Variants in ZNF589 observed in about 807,000 individuals in gnomAD.
ZNF589 encodes the protein zinc finger protein 589, also known as KRAB-zinc finger protein SZF1-1.
ZNF589 carries 17 observed loss-of-function variants against 13.6 expected under a neutral mutation model. The observed-to-expected ratio is 1.25, with a 90% CI of 0.86 to 1.88. The LOEUF (loss-of-function observed/expected upper bound fraction) is 1.88, where lower values mean the gene tolerates loss of function less well. Ranked by LOEUF, ZNF589 falls within the 40% of genes most tolerant of loss-of-function variation. The probability of loss-of-function intolerance (pLI) is 0.00; values close to 1 mark genes in which losing one functional copy is unlikely to be tolerated. For synonymous variants in ZNF589, 148 were observed against 161.6 expected, an observed-to-expected ratio of 0.92 and a Z score of 0.64; for missense variants, 407 against 434.0, an observed-to-expected ratio of 0.94 and a Z score of 0.55.
Position 48,269,747 on chromosome 3 carries a change from C to T in ZNF589, c.*961C>T, listed in dbSNP as rs1210244359. On this transcript the variant is annotated 3_prime_UTR_variant, in exon 4 of 4. Transcript: ENST00000354698. ...AGCAACAAGTCAGCCATCAGCCACA[C>T]CAGCGGAAATGCTTAGGGAGAAGCC... The T allele has an allele frequency of 3.0e-6, 1 of 338,866 alleles. No homozygotes were observed. Among genetic ancestry groups the T allele is most frequent in the Admixed American group, 4.0e-5 (1 of 25,186 alleles). The allele number at this position is 338,866 out of a possible 1,614,324, so 21.0% of individuals were successfully genotyped here. A position where few individuals can be genotyped will look rare whatever the true frequency, so the allele number is the denominator to read the frequency against.
Position 48,268,871 on chromosome 3 carries a change from G to C in ZNF589, c.*85G>C, listed in dbSNP as rs1575297014. 2.6e-6 allele frequency: 4 copies of C among 1,526,066 alleles called. No individual in the cohort carries two copies. The highest frequency in any genetic ancestry group is 1.8e-4 in the Middle Eastern group (1 of 5,514). The allele number at this position is 1,526,066 out of a possible 1,614,324, so 94.5% of individuals were successfully genotyped here. ...GAAGCCTTTTGTTTGCAGAGAGTGT[G>C]GGCGAGGCTTTCGTGCTAAATCAAC... is the stretch of plus-strand genomic sequence containing the variant. On this transcript the variant is annotated 3_prime_UTR_variant, in exon 4 of 4. Transcript: ENST00000354698.
intron 3 of ZNF589, among the ~76,000 whole-genome samples, chr3:48,267,508 T>C (rs77218763): frequency 6.6e-6 from 1 of 152,220 alleles, no homozygotes; most frequent in African/African-American, 2.4e-5. Flanking sequence ...GTGATTCTCC[T>C]GTCTCAGCCT....
In ZNF589 at chr3:48,268,895, A is replaced by C. The variant is rs995687734; in HGVS notation, c.*109A>C. 2 of 1,431,352 alleles carry C rather than the reference A, an allele frequency of 1.4e-6. No homozygotes were observed. The highest frequency in any genetic ancestry group is 1.9e-6 in the Non-Finnish European group (2 of 1,052,462). 88.7% of individuals were successfully genotyped at this position (1,431,352 alleles called of 1,614,324 possible). On this transcript the variant is annotated 3_prime_UTR_variant, in exon 4 of 4. Transcript: ENST00000354698. ...TGGGCGAGGCTTTCGTGCTAAATCA[A>C]CTCTCCTCCTACACCAGTGGACACA... is the stretch of plus-strand genomic sequence containing the variant.
At position 48,268,904 on chromosome 3, in the gene ZNF589, C is replaced by A; in HGVS notation, c.*118C>A. 1 of 1,361,242 alleles carries A rather than the reference C, an allele frequency of 7.3e-7. No individual in the cohort carries two copies. The highest frequency in any genetic ancestry group is 1.0e-6 in the Non-Finnish European group (1 of 993,958). 84.3% of individuals were successfully genotyped at this position (1,361,242 alleles called of 1,614,324 possible). ...CTTTCGTGCTAAATCAACTCTCCTC[C>A]TACACCAGTGGACACATTCAGAGGT... is the stretch of plus-strand genomic sequence containing the variant. On this transcript the variant is annotated 3_prime_UTR_variant, in exon 4 of 4. Transcript: ENST00000354698.
intron 2 of ZNF589, among the ~76,000 whole-genome samples, chr3:48,250,275 C>T (rs567803458): frequency 3.3e-4 from 50 of 151,296 alleles, no homozygotes; most frequent in Admixed American, 1.1e-3. Flanking sequence ...CCTCTCCAAC[C>T]TCTGGTAACT....
chr3:48,264,599 C>A (rs969030299), intron 3 of ZNF589, among the ~76,000 whole-genome samples: 1 of 151,530 alleles, frequency 6.6e-6, no homozygotes, highest in Admixed American at 6.6e-5. Context: ...GAGGCTGAGG[C>A]GGGTGGATTG....
At chr3:48,250,678 G>T (rs930219764) in intron 2 of ZNF589, among the ~76,000 whole-genome samples, 1 of 151,016 alleles carries the variant, frequency 6.6e-6, no homozygotes, top group Non-Finnish European at 1.5e-5. Context: ...CATCGTGTTG[G>T]CCAGGCTGGT....
At chr3:48,260,092 C>T (rs1427445410) in intron 2 of ZNF589, among the ~76,000 whole-genome samples, 2 of 152,144 alleles carry the variant, frequency 1.3e-5, no homozygotes, top group African/African-American at 2.4e-5. Flanking sequence ...TAGAACACCA[C>T]TGAATACTCA....
intron 3 of ZNF589, among the ~76,000 whole-genome samples, chr3:48,266,998 G>A (rs1405494207): frequency 1.3e-5 from 2 of 152,200 alleles, no homozygotes; most frequent in East Asian, 3.8e-4. Context: ...TAGTCTCGAT[G>A]TCCCCCAATG....
chr3:48,247,616 T>C lies in ZNF589; in HGVS notation c.44-9T>C. On this transcript the variant is annotated splice_polypyrimidine_tract_variant and intron_variant, in intron 1 of 3. Transcript: ENST00000354698. ...CTGGCTTCTCAAGGTTGCTTCTTTC[T>C]TTCCCCAGCTCTGCCTGCCAAGGAT... 6.2e-7 allele frequency: 1 copy of C among 1,611,474 alleles called. No individual in the cohort carries two copies. The highest frequency in any genetic ancestry group is 8.5e-7 in the Non-Finnish European group (1 of 1,178,808).
intron 3 of ZNF589, among the ~76,000 whole-genome samples, chr3:48,261,412 T>G (rs1348095009): frequency 6.6e-6 from 1 of 152,006 alleles, no homozygotes; most frequent in Non-Finnish European, 1.5e-5. Flanking sequence ...ATCTAGTCCT[T>G]TGGAGGAAAA....
At position 48,268,894 on chromosome 3, in the gene ZNF589, A is replaced by G; in HGVS notation, c.*108A>G. On this transcript the variant is annotated 3_prime_UTR_variant, in exon 4 of 4. Transcript: ENST00000354698. ...GTGGGCGAGGCTTTCGTGCTAAATC[A>G]ACTCTCCTCCTACACCAGTGGACAC... 6.9e-7 allele frequency: 1 copy of G among 1,443,296 alleles called. No individual in the cohort carries two copies. The allele number at this position is 1,443,296 out of a possible 1,614,324, so 89.4% of individuals were successfully genotyped here. A position where few individuals can be genotyped will look rare whatever the true frequency, so the allele number is the denominator to read the frequency against.
intron 3 of ZNF589, 55 bp from the exon 4 acceptor site, chr3:48,267,860 A>G: frequency 1.3e-6 from 2 of 1,520,224 alleles, no homozygotes; most frequent in Non-Finnish European, 8.8e-7. Context: ...TCATAAAACA[A>G]GAGCCCAGTC....
intron 2 of ZNF589, among the ~76,000 whole-genome samples, chr3:48,249,173 G>A (rs1290596603): frequency 6.6e-6 from 1 of 151,688 alleles, no homozygotes; most frequent in Non-Finnish European, 1.5e-5. Context: ...CATGATCTCG[G>A]CTCACTGCAA....
chr3:48,264,599 C>T (rs969030299), intron 3 of ZNF589, among the ~76,000 whole-genome samples: 5 of 151,530 alleles, frequency 3.3e-5, no homozygotes, highest in South Asian at 2.1e-4. Context: ...GAGGCTGAGG[C>T]GGGTGGATTG....
At chr3:48,258,892 T>C (rs2033938204) in intron 2 of ZNF589, among the ~76,000 whole-genome samples, 1 of 152,244 alleles carries the variant, frequency 6.6e-6, no homozygotes, top group Non-Finnish European at 1.5e-5. Context: ...GCTGAGCCTG[T>C]TGTTTTATGT....
rs1254535785 is a variant in ZNF589, at chr3:48,270,510, T to C, written c.*1724T>C. 1 of 351,358 alleles carries C rather than the reference T, an allele frequency of 2.8e-6. No individual in the cohort carries two copies. The highest frequency in any genetic ancestry group is 5.6e-6 in the Non-Finnish European group (1 of 179,322). The allele number at this position is 351,358 out of a possible 1,614,324, so 21.8% of individuals were successfully genotyped here. On this transcript the variant is annotated 3_prime_UTR_variant, in exon 4 of 4. Coordinates refer to ENST00000354698, the MANE Select transcript of ZNF589 (RefSeq NM_016089.3). The stretch of plus-strand genomic sequence containing the variant: ...GTGCCAGGGCCTTTAGCCATTTGTC[T>C]CTCCTCACACTCCAGGGCCCATATG...
At position 48,268,051 on chromosome 3, in the gene ZNF589, T is replaced by C. The variant is rs1290620188; in HGVS notation, c.360T>C (p.Asn120=). The part of the protein sequence containing the change: ...FHAGNQLHPG[N]PCPEDQPQSQ... ...CAGGAAATCAACTCCACCCAGGAAA[T>C]CCCTGCCCAGAGGATCAGCCACAGT... Residue 120 remains asparagine (N), a synonymous_variant, in exon 4 of 4, where the codon AAT becomes AAC. Coordinates refer to ENST00000354698, the MANE Select transcript of ZNF589 (RefSeq NM_016089.3). 6.2e-7 allele frequency: 1 copy of C among 1,614,042 alleles called. No individual in the cohort carries two copies. The highest frequency in any genetic ancestry group is 1.3e-5 in the African/African-American group (1 of 74,906).
chr3:48,270,150 G>A lies in ZNF589; in HGVS notation c.*1364G>A, dbSNP rs1451825386. The A allele has an allele frequency of 2.2e-6, 1 of 456,854 alleles. No homozygotes were observed. Among genetic ancestry groups the A allele is most frequent in the Non-Finnish European group, 4.4e-6 (1 of 227,002 alleles). 28.3% of individuals were successfully genotyped at this position (456,854 alleles called of 1,614,324 possible). On this transcript the variant is annotated 3_prime_UTR_variant, in exon 4 of 4. Coordinates refer to ENST00000354698, the MANE Select transcript of ZNF589 (RefSeq NM_016089.3). The stretch of plus-strand genomic sequence containing the variant: ...TGCTTTATTTTTTTCTACATCTCTA[G>A]CCTTTGCTGTTTCCTCTCCTACCCC...
Sources: gnomAD v4.1 joint callset for allele counts (sites outside exome capture counted in the v4.1 genomes callset) on GRCh38, gnomAD v4.1.1 for gene constraint, MANE v1.5 for transcripts, NCBI Gene and HGNC (gene_info 2026-07-23, HGNC 2026-07-21) for gene names.